Variants in EBF2 observed in about 807,000 individuals in gnomAD.
The protein encoded by EBF2 is EBF transcription factor 2.
In EBF2, 21 loss-of-function variants were observed where a neutral mutation model predicts 72.8. The observed-to-expected ratio is 0.29, with a 90% CI of 0.20 to 0.42. The LOEUF is 0.42. EBF2 is among the 10% of genes least tolerant of loss of function. The probability of loss-of-function intolerance (pLI) is 1.00; values close to 1 mark genes in which losing one functional copy is unlikely to be tolerated. For missense variants in EBF2, 637 were observed against 731.2 expected (o/e 0.87, Z 1.49); for synonymous variants, 299 against 274.2 (o/e 1.09, Z -0.89).
At chr8:25,952,129 C>T (rs1042981217) in intron 6 of EBF2, among the ~76,000 whole-genome samples, 3 of 150,800 alleles carry the variant, frequency 2.0e-5, no homozygotes, top group Non-Finnish European at 4.4e-5. Context: ...CGTGTATCTA[C>T]AAAAAAAAAT....
intron 6 of EBF2, among the ~76,000 whole-genome samples, chr8:25,972,021 T>C (rs1218668387): frequency 1.3e-5 from 2 of 152,102 alleles, no homozygotes; most frequent in African/African-American, 4.8e-5. Context: ...AGGTTAGTGC[T>C]CTGCAAGGGG....
chr8:25,858,750 C>T (rs1176253611), intron 13 of EBF2, among the ~76,000 whole-genome samples: 1 of 150,158 alleles, frequency 6.7e-6, no homozygotes, highest in African/African-American at 2.5e-5. Context: ...ACCTCTGCTG[C>T]CCGGGTTCAC....
chr8:25,976,159 G>A (rs920481664), intron 6 of EBF2, among the ~76,000 whole-genome samples: 1 of 152,124 alleles, frequency 6.6e-6, no homozygotes, highest in Non-Finnish European at 1.5e-5. Context: ...CTTGCATCAT[G>A]CTTTTTATGA....
At chr8:26,005,292 T>TG (rs1563205576) in intron 6 of EBF2, among the ~76,000 whole-genome samples, 427 of 6,044 alleles carry the variant, frequency 0.071, 30 homozygotes, top group South Asian at 0.081. Context: ...TATAATTATA[T>TG]AATTATATAT....
At chr8:25,855,455 C>A (rs990249607) in intron 14 of EBF2, among the ~76,000 whole-genome samples, 2 of 152,098 alleles carry the variant, frequency 1.3e-5, no homozygotes, top group Non-Finnish European at 2.9e-5. Context: ...AGTAAAGATG[C>A]GGGTTTCTGA....
chr8:25,917,238 A>G (rs1021252636), intron 6 of EBF2, among the ~76,000 whole-genome samples: 2 of 149,272 alleles, frequency 1.3e-5, no homozygotes, highest in African/African-American at 2.5e-5. Context: ...ATTCAGACGC[A>G]TCTTCATTCT....
rs187729613 is a variant in EBF2 at position 25,884,043 on chromosome 8, A to G, written c.1009+2712T>C. 1.3e-3 allele frequency among the ~76,000 whole-genome samples: 200 copies of G among 152,186 alleles called. 3 individuals are homozygous for G. Among genetic ancestry groups the G allele is most frequent in the Non-Finnish European group, 2.4e-4 (16 of 68,000 alleles). ...TGATCTCCTCTGGTCCTGTGGCTTT[A>G]AATCCTGTCTAGATGCTGGTTGCTC... On this transcript the variant is annotated intron_variant, in intron 10 of 15. Coordinates refer to ENST00000520164, the MANE Select transcript of EBF2 (RefSeq NM_022659.4).
At chr8:26,029,451 A>G (rs1162566388) in intron 6 of EBF2, among the ~76,000 whole-genome samples, 2 of 152,224 alleles carry the variant, frequency 1.3e-5, no homozygotes, top group Non-Finnish European at 2.9e-5. Context: ...TTATTTGTCC[A>G]TAGCAGTTTG....
chr8:25,878,712 T>C (rs1282346688), intron 10 of EBF2, among the ~76,000 whole-genome samples: 1 of 152,192 alleles, frequency 6.6e-6, no homozygotes, highest in East Asian at 1.9e-4. Flanking sequence ...TTTTGGATGA[T>C]GCTATCCTTG....
chr8:26,011,964 C>A (rs569016436), intron 6 of EBF2, among the ~76,000 whole-genome samples: 58 of 152,226 alleles, frequency 3.8e-4, no homozygotes, highest in African/African-American at 1.3e-3. Context: ...ACTGTGGTAA[C>A]TTAACAAAGG....
intron 6 of EBF2, among the ~76,000 whole-genome samples, chr8:26,002,726 C>A (rs1046076386): frequency 1.3e-5 from 2 of 152,132 alleles, no homozygotes; most frequent in Non-Finnish European, 2.9e-5. Context: ...AGTAATGGCC[C>A]GATTCTTCCC....
chr8:25,879,330 A>G (rs1802569084), intron 10 of EBF2, among the ~76,000 whole-genome samples: 1 of 152,198 alleles, frequency 6.6e-6, no homozygotes, highest in South Asian at 2.1e-4. Context: ...TACAATGAGG[A>G]TATTTTCAAT....
In EBF2 at chr8:25,887,919, C is replaced by A; in HGVS notation, c.805G>T (p.Ala269Ser). The change falls in exon 9 of 16, where the codon GCC becomes TCC. Residue 269 changes from alanine (A) to serine (S), a missense_variant. Around this residue, in one of 3 missense-constraint regions of EBF2, gnomAD observed 204 missense variants for 301.2 expected, o/e 0.68. Transcript: ENST00000520164. ...SPSEGWTTGG[A>S]MVIIIGDNFF... ...TTGTCCCCGATGATGATGACCATGG[C>A]TCCTCCTGTGGTCCAGCCTTCACTC... 1 of 1,613,840 alleles carries A rather than the reference C, an allele frequency of 6.2e-7. No individual in the cohort carries two copies. The highest frequency in any genetic ancestry group is 8.5e-7 in the Non-Finnish European group (1 of 1,179,848).
intron 6 of EBF2, among the ~76,000 whole-genome samples, chr8:26,021,961 C>A (rs188295295): frequency 1.3e-5 from 2 of 152,276 alleles, no homozygotes; most frequent in East Asian, 1.9e-4. Flanking sequence ...TGAGAGAATA[C>A]TTTTTGCATG....
chr8:25,907,129 T>G (rs1803047264), intron 7 of EBF2, among the ~76,000 whole-genome samples: 1 of 151,746 alleles, frequency 6.6e-6, no homozygotes, highest in Non-Finnish European at 1.5e-5. Flanking sequence ...TGTTCAAAAA[T>G]TATTCAGGGT....
chr8:25,862,920 T>C (rs1318199888), intron 10 of EBF2, 123 bp from the exon 11 acceptor site: 1 of 490,198 alleles, frequency 2.0e-6, no homozygotes, highest in Non-Finnish European at 3.3e-6. Context: ...GTTAGGGTTT[T>C]TGCTATCGAC....
chr8:25,885,958 A>G (rs1318685155), intron 10 of EBF2, among the ~76,000 whole-genome samples: 2 of 152,204 alleles, frequency 1.3e-5, no homozygotes, highest in Admixed American at 6.5e-5. Flanking sequence ...TTGGTCCTGC[A>G]GGAATGTGCT....
intron 6 of EBF2, among the ~76,000 whole-genome samples, chr8:25,955,341 G>A (rs1179704791): frequency 2.6e-5 from 4 of 152,208 alleles, no homozygotes; most frequent in African/African-American, 7.2e-5. Context: ...TATTCACCAA[G>A]GTGAGAGGAA....
At chr8:25,912,391 G>A (rs1803143010) in intron 6 of EBF2, among the ~76,000 whole-genome samples, 1 of 150,534 alleles carries the variant, frequency 6.6e-6, no homozygotes, top group Non-Finnish European at 1.5e-5. Flanking sequence ...CTTTGAATGG[G>A]TTTCCTTTGT....
Sources: gnomAD v4.1 joint callset for allele counts (sites outside exome capture counted in the v4.1 genomes callset) on GRCh38, gnomAD v4.1.1 for gene constraint, gnomAD v4.1.1 regional missense constraint, MANE v1.5 for transcripts, NCBI Gene and HGNC (gene_info 2026-07-23, HGNC 2026-07-21) for gene names.